MYO5B: variants seen among roughly 807,000 people sequenced by gnomAD.
The protein encoded by MYO5B is unconventional myosin-Vb.
MYO5B carries 143 observed loss-of-function variants against 229.3 expected under a neutral mutation model. The observed-to-expected ratio is 0.62, with a 90% CI of 0.54 to 0.72. MYO5B has a LOEUF of 0.72. Ranked by LOEUF, MYO5B falls within the 30% of genes least tolerant of loss-of-function variation. MYO5B has a pLI of 0.00. For missense variants in MYO5B, 2,321 were observed against 2,331.0 expected, an observed-to-expected ratio of 1.00 and a Z score of 0.09; for synonymous variants, 918 against 885.2, an observed-to-expected ratio of 1.04 and a Z score of -0.66.
At chr18:50,054,325 G>A (rs1215487375) in intron 2 of MYO5B, among the ~76,000 whole-genome samples, 1 of 152,180 alleles carries the variant, frequency 6.6e-6, no homozygotes, top group African/African-American at 2.4e-5. Flanking sequence ...AACACAGCAA[G>A]ATCTCATCTC....
At chr18:50,092,685 A>C (rs74623953) in intron 1 of MYO5B, among the ~76,000 whole-genome samples, 5,773 of 152,224 alleles carry the variant, frequency 0.038, 360 homozygotes, top group African/African-American at 0.13. Flanking sequence ...TTTCCTAAAA[A>C]GCTGCAATCA....
At chr18:50,103,944 CCT>C (rs2031703104) in intron 1 of MYO5B, among the ~76,000 whole-genome samples, 1 of 150,848 alleles carries the variant, frequency 6.6e-6, no homozygotes, top group African/African-American at 2.4e-5. Context: ...ATAAGGATCA[CCT>C]TCTTAGTTAA....
chr18:50,097,349 TC>T, intron 1 of MYO5B: 1 of 446,818 alleles, frequency 2.2e-6, no homozygotes, highest in Middle Eastern at 3.3e-4. Context: ...GCCTTACCAT[TC>T]TTTTGATTCC....
chr18:50,166,800 A>G (rs947694844), intron 1 of MYO5B, among the ~76,000 whole-genome samples: 1 of 152,200 alleles, frequency 6.6e-6, no homozygotes, highest in African/African-American at 2.4e-5. Context: ...ATGATTGAGA[A>G]GAAGGGGGAA....
intron 33 of MYO5B, among the ~76,000 whole-genome samples, chr18:49,846,186 C>T (rs1473074570): frequency 6.6e-6 from 1 of 152,182 alleles, no homozygotes; most frequent in Admixed American, 6.5e-5. Context: ...TGAACTTTGA[C>T]AGTGGGACCA....
chr18:49,971,717 T>TG (rs1434672258), intron 10 of MYO5B, among the ~76,000 whole-genome samples: 2 of 152,216 alleles, frequency 1.3e-5, no homozygotes, highest in Non-Finnish European at 2.9e-5. Flanking sequence ...AGTGCTTTCT[T>TG]GGCAACCAAT....
intron 1 of MYO5B, among the ~76,000 whole-genome samples, chr18:50,090,719 G>A (rs938489905): frequency 1.3e-5 from 2 of 152,162 alleles, no homozygotes; most frequent in African/African-American, 4.8e-5. Context: ...ACCAAAGTCT[G>A]CCTACAACTG....
At chr18:49,913,159 G>C (rs2144163441) in intron 17 of MYO5B, among the ~76,000 whole-genome samples, 1 of 152,278 alleles carries the variant, frequency 6.6e-6, no homozygotes, top group East Asian at 1.9e-4. Context: ...ACCTATGTAG[G>C]TGAGTGCTGT....
At chr18:50,085,616 A>T (rs533644660) in intron 1 of MYO5B, among the ~76,000 whole-genome samples, 3 of 152,154 alleles carry the variant, frequency 2.0e-5, no homozygotes, top group African/African-American at 7.2e-5. Context: ...ACATGCACAC[A>T]TATGTTTTTT....
intron 16 of MYO5B, among the ~76,000 whole-genome samples, chr18:49,931,379 T>C (rs2025189503): frequency 6.6e-6 from 1 of 152,082 alleles, no homozygotes; most frequent in Admixed American, 6.6e-5. Flanking sequence ...CCCCACCTTC[T>C]TTCCACACCC....
chr18:50,048,380 G>A (rs1029590327), intron 2 of MYO5B, among the ~76,000 whole-genome samples: 11 of 152,150 alleles, frequency 7.2e-5, no homozygotes. Context: ...AAACTTCAGT[G>A]GCTTAATACT....
chr18:50,040,864 G>A lies in MYO5B; in HGVS notation c.139-550C>T, dbSNP rs562037798. Among the ~76,000 whole-genome samples, 8 of 152,284 alleles carry A rather than the reference G, an allele frequency of 5.3e-5. No individual in the cohort carries two copies. The South Asian group carries it at 1.5e-3, about 28-fold the overall frequency. ...TATATTAGGAGTTTGAGACATATGT[G>A]CATAACCAGGGAGTAGGATTACACA... On this transcript the variant is annotated intron_variant, in intron 2 of 39. Coordinates refer to ENST00000285039, the MANE Select transcript of MYO5B (RefSeq NM_001080467.3).
intron 1 of MYO5B, among the ~76,000 whole-genome samples, chr18:50,096,998 T>G (rs74604886): frequency 0.038 from 5,818 of 152,268 alleles, 363 homozygotes; most frequent in African/African-American, 0.13. Flanking sequence ...TGGGCCTGGC[T>G]CCACCTATGA....
At chr18:49,939,177 C>G (rs1407613753) in intron 14 of MYO5B, among the ~76,000 whole-genome samples, 1 of 129,958 alleles carries the variant, frequency 7.7e-6, no homozygotes, top group Non-Finnish European at 1.6e-5. Context: ...GAAACAGTCT[C>G]GCTCTGTTAC....
intron 7 of MYO5B, among the ~76,000 whole-genome samples, chr18:49,987,977 A>G (rs570627807): frequency 1.7e-4 from 26 of 152,216 alleles, no homozygotes; most frequent in African/African-American, 6.0e-4. Flanking sequence ...CAAATTATTC[A>G]TTGGACTTTA....
At chr18:50,127,737 G>A (rs1445917739) in intron 1 of MYO5B, among the ~76,000 whole-genome samples, 1 of 152,190 alleles carries the variant, frequency 6.6e-6, no homozygotes, top group Non-Finnish European at 1.5e-5. Context: ...CCACACATTT[G>A]GCCAAGCACT....
At chr18:50,072,466 G>A (rs1045279356) in intron 1 of MYO5B, among the ~76,000 whole-genome samples, 5 of 152,140 alleles carry the variant, frequency 3.3e-5, no homozygotes, top group Non-Finnish European at 7.4e-5. Flanking sequence ...GGTTGGTGGT[G>A]TGAACGCTGG....
At chr18:49,916,980 T>A (rs1183645520) in intron 17 of MYO5B, among the ~76,000 whole-genome samples, 1 of 152,204 alleles carries the variant, frequency 6.6e-6, no homozygotes, top group Non-Finnish European at 1.5e-5. Context: ...TGGGGACCTT[T>A]GGGTGTGTGT....
chr18:49,853,560 C>T lies in MYO5B; in HGVS notation c.4110G>A (p.Glu1370=), dbSNP rs577213417. ...AGGTCTGCTGCTGTTTGTCCATCTC[C>T]TCCTTCAGGGCCTCGAGCTGAGCCT... ...HLKAQLEALK[E]EMDKQQQTFC... The change falls in exon 31 of 40, where the codon GAG becomes GAA. Residue 1370 remains glutamate, a synonymous_variant. Transcript: ENST00000285039. 3.0e-5 allele frequency: 49 copies of T among 1,614,226 alleles called. No individual in the cohort carries two copies. The South Asian group carries it at 5.2e-4, about 17-fold the overall frequency.
Sources: allele counts gnomAD v4.1 joint callset (sites outside exome capture counted in the v4.1 genomes callset), GRCh38; gene constraint gnomAD v4.1.1; transcripts MANE v1.5; gene names NCBI Gene and HGNC (gene_info 2026-07-23, HGNC 2026-07-21).